The following GLRA3 variants were observed in gnomAD, a reference collection of about 807,000 sequenced individuals.
The protein encoded by GLRA3 is glycine receptor subunit alpha-3.
A neutral mutation model predicts 60.4 loss-of-function variants in GLRA3; 44 were observed. That is an observed-to-expected ratio of 0.73 (90% CI 0.57 to 0.94). The LOEUF is 0.94. GLRA3 is among the 40% of genes least tolerant of loss of function. The pLI is 0.00. For missense variants in GLRA3, 508 were observed against 564.6 expected (o/e 0.90, Z 1.02); for synonymous variants, 223 against 192.9 (o/e 1.16, Z -1.29).
rs1184807927 is a variant in GLRA3, at chr4:174,782,495, G to A, written c.199+6321C>T. Among the ~76,000 whole-genome samples, 4 of 149,928 alleles carry A rather than the reference G, an allele frequency of 2.7e-5. No individual in the cohort carries two copies. In the East Asian group the frequency reaches 7.9e-4, roughly 30 times the overall value. On this transcript the variant is annotated intron_variant, in intron 2 of 9. Coordinates refer to ENST00000274093, the MANE Select transcript of GLRA3 (RefSeq NM_006529.4). ...AAATTAGGCAGGAGAAGGAAATAAAGGGTATTCAATTAGGAAAAGAGGAAG... is the reference window on the plus strand; with the variant it reads ...AAATTAGGCAGGAGAAGGAAATAAAAGGTATTCAATTAGGAAAAGAGGAAG...
chr4:174,793,817 T>A (rs1036519246), intron 1 of GLRA3, among the ~76,000 whole-genome samples: 3 of 152,148 alleles, frequency 2.0e-5, no homozygotes, highest in African/African-American at 7.2e-5. Flanking sequence ...AAAGGAATAA[T>A]TCTATCTATC....
At chr4:174,823,957 T>TG (rs1412414759) in intron 1 of GLRA3, among the ~76,000 whole-genome samples, 3 of 152,220 alleles carry the variant, frequency 2.0e-5, no homozygotes, top group African/African-American at 7.2e-5. Flanking sequence ...TACTTTTCCA[T>TG]GTTCTGTTCC....
At chr4:174,790,825 CAAAAAAA>C (rs751090125) in intron 1 of GLRA3, among the ~76,000 whole-genome samples, 19 of 65,124 alleles carry the variant, frequency 2.9e-4, no homozygotes, top group African/African-American at 1.1e-3. Flanking sequence ...CTAAAAAATA[CAAAAAAA>C]AAAAAAAAAA....
At chr4:174,734,139 A>G (rs1042222056) in intron 3 of GLRA3, among the ~76,000 whole-genome samples, 5 of 152,160 alleles carry the variant, frequency 3.3e-5, no homozygotes, top group Non-Finnish European at 7.4e-5. Context: ...CTAATCAGAG[A>G]TCTTGGCAAA....
At chr4:174,688,843 G>A (rs1476948510) in intron 5 of GLRA3, among the ~76,000 whole-genome samples, 1 of 152,068 alleles carries the variant, frequency 6.6e-6, no homozygotes, top group Non-Finnish European at 1.5e-5. Flanking sequence ...TGTAAATGAA[G>A]AGGAAGAGCT....
chr4:174,650,950 C>T (rs1193368654), intron 9 of GLRA3, among the ~76,000 whole-genome samples: 2 of 152,184 alleles, frequency 1.3e-5, no homozygotes, highest in African/African-American at 2.4e-5. Flanking sequence ...TGGACAAGTG[C>T]TAACACATAG....
chr4:174,728,453 G>T (rs1322816852), intron 4 of GLRA3, 22 bp downstream of exon 4: 1 of 1,276,218 alleles, frequency 7.8e-7, no homozygotes, highest in Non-Finnish European at 1.1e-6. Context: ...ACTGAAATCG[G>T]CAATTTAAGT....
chr4:174,694,305 G>C (rs1049893529), intron 5 of GLRA3, among the ~76,000 whole-genome samples: 1 of 151,902 alleles, frequency 6.6e-6, no homozygotes, highest in African/African-American at 2.4e-5. Flanking sequence ...TCACTACAAG[G>C]CACATACCCT....
chr4:174,810,161 A>G (rs961106269), intron 1 of GLRA3, among the ~76,000 whole-genome samples: 2 of 152,182 alleles, frequency 1.3e-5, no homozygotes, highest in Admixed American at 6.6e-5. Flanking sequence ...AACCAGAAAT[A>G]TGAGAAATTG....
intron 5 of GLRA3, among the ~76,000 whole-genome samples, chr4:174,706,135 C>CA (rs1735508807): frequency 6.6e-6 from 1 of 151,684 alleles, no homozygotes; most frequent in Non-Finnish European, 1.5e-5. Flanking sequence ...GAGGCTGAGA[C>CA]AGGAGAATGG....
chr4:174,740,288 T>A (rs1872550), intron 3 of GLRA3, among the ~76,000 whole-genome samples: 143,986 of 152,168 alleles, frequency 0.95, 68,594 homozygotes, highest in East Asian at 1. Flanking sequence ...CCTCAAAGCT[T>A]TTACCCTGTC....
At chr4:174,728,216 C>T (rs931346038) in intron 4 of GLRA3, among the ~76,000 whole-genome samples, 1 of 152,158 alleles carries the variant, frequency 6.6e-6, no homozygotes, top group Admixed American at 6.5e-5. Context: ...TTCCTGACAA[C>T]CTGGCTGATA....
chr4:174,645,334 C>A (rs1732772310), intron 9 of GLRA3, among the ~76,000 whole-genome samples: 1 of 151,456 alleles, frequency 6.6e-6, no homozygotes, highest in Non-Finnish European at 1.5e-5. Context: ...ATCGCTTGAT[C>A]CCTGGAGGTG....
intron 1 of GLRA3, among the ~76,000 whole-genome samples, chr4:174,803,588 ATAAGT>A (rs1281334515): frequency 1.3e-5 from 2 of 152,206 alleles, no homozygotes; most frequent in African/African-American, 4.8e-5. Context: ...TTTTTCACAG[ATAAGT>A]TTAGTAAAAC....
chr4:174,660,732 T>G (rs1733401859), intron 7 of GLRA3, among the ~76,000 whole-genome samples: 1 of 152,260 alleles, frequency 6.6e-6, no homozygotes, highest in East Asian at 1.9e-4. Flanking sequence ...TTCATCTATA[T>G]TTATCAATTA....
chr4:174,822,006 A>T (rs1314252230), intron 1 of GLRA3, among the ~76,000 whole-genome samples: 1 of 152,216 alleles, frequency 6.6e-6, no homozygotes, highest in Non-Finnish European at 1.5e-5. Context: ...CATTGAATTA[A>T]ACATTATGGA....
rs187564198 is a variant in GLRA3, at chr4:174,732,457, A to G, written c.268-3759T>C. Among the ~76,000 whole-genome samples the G allele has an allele frequency of 1.0e-3, 157 of 152,272 alleles. 1 individual carries two copies. The highest frequency in any genetic ancestry group is 1.9e-3 in the South Asian group (9 of 4,828). The stretch of plus-strand genomic sequence containing the variant: ...TTTTAGTTCAAAATACAAAACTTAA[A>G]TCCTTATGCTTGTGCAACAGAAGAC... On this transcript the variant is annotated intron_variant, in intron 3 of 9. Transcript: ENST00000274093.
intron 7 of GLRA3, among the ~76,000 whole-genome samples, chr4:174,665,007 A>T (rs1425162884): frequency 6.6e-6 from 1 of 152,132 alleles, no homozygotes; most frequent in Non-Finnish European, 1.5e-5. Flanking sequence ...AGATAATTTA[A>T]AAGAAGTGTT....
At chr4:174,651,759 G>A (rs978580213) in intron 9 of GLRA3, among the ~76,000 whole-genome samples, 10 of 152,128 alleles carry the variant, frequency 6.6e-5, no homozygotes, top group African/African-American at 2.2e-4. Flanking sequence ...TTTGCCATGT[G>A]ACTGCTAGAA....
Sources: allele counts gnomAD v4.1 joint callset (sites outside exome capture counted in the v4.1 genomes callset), GRCh38; gene constraint gnomAD v4.1.1; transcripts MANE v1.5; gene names NCBI Gene and HGNC (gene_info 2026-07-23, HGNC 2026-07-21).